Variants in GRK3 observed in about 807,000 individuals in gnomAD.
GRK3 encodes the protein G protein-coupled receptor kinase 3, also known as adrenergic, beta, receptor kinase 2.
GRK3 carries 54 observed loss-of-function variants against 95.7 expected under a neutral mutation model. The ratio of observed to expected loss-of-function variants is 0.56; its 90% CI spans 0.45 to 0.71. The LOEUF (loss-of-function observed/expected upper bound fraction) is 0.71. Among genes scored for constraint, GRK3 ranks in the 30% least tolerant of loss-of-function variants. The pLI is 0.00. For synonymous variants in GRK3, 281 were observed against 290.8 expected (o/e 0.97, Z 0.34); for missense variants, 649 against 851.2 (o/e 0.76, Z 2.96).
intron 14 of GRK3, 123 bp downstream of exon 14, chr22:25,703,699 TAAAAA>T: frequency 1.4e-6 from 1 of 705,644 alleles, no homozygotes; most frequent in Non-Finnish European, 2.2e-6. Context: ...ATAGACATAA[TAAAAA>T]TTTGCTTTCT....
At chr22:25,577,848 A>G (rs1931960028) in intron 1 of GRK3, among the ~76,000 whole-genome samples, 1 of 152,218 alleles carries the variant, frequency 6.6e-6, no homozygotes, top group Non-Finnish European at 1.5e-5. Context: ...TAAGATAGAC[A>G]CCTAGAAATA....
At chr22:25,568,549 T>A (rs1931573927) in intron 1 of GRK3, among the ~76,000 whole-genome samples, 1 of 152,192 alleles carries the variant, frequency 6.6e-6, no homozygotes, top group African/African-American at 2.4e-5. Flanking sequence ...GCACTGACAG[T>A]CCTTAAAGGA....
intron 2 of GRK3, among the ~76,000 whole-genome samples, chr22:25,607,190 A>C (rs1569161709): frequency 6.6e-6 from 1 of 152,004 alleles, no homozygotes; most frequent in Admixed American, 6.6e-5. Context: ...GTGGTTACTG[A>C]ATTAACAAAG....
chr22:25,605,560 A>T (rs2146341326), intron 2 of GRK3, among the ~76,000 whole-genome samples: 1 of 152,314 alleles, frequency 6.6e-6, no homozygotes, highest in East Asian at 1.9e-4. Flanking sequence ...TTTTTAATTT[A>T]TTTTTTGTGG....
chr22:25,678,725 G>A (rs2085051868), intron 8 of GRK3, 91 bp from the exon 9 acceptor site: 2 of 664,962 alleles, frequency 3.0e-6, no homozygotes, highest in Middle Eastern at 4.2e-4. Context: ...TGGCCTAAAT[G>A]TTCAGAAACT....
At chr22:25,647,341 G>A in intron 3 of GRK3, 1 of 1,257,990 alleles carries the variant, frequency 7.9e-7, no homozygotes, top group South Asian at 1.2e-5. Flanking sequence ...TCAGTACAAG[G>A]GTGAGCCATG....
At chr22:25,690,510 G>C (rs141814449) in intron 12 of GRK3, among the ~76,000 whole-genome samples, 1 of 152,190 alleles carries the variant, frequency 6.6e-6, no homozygotes, top group African/African-American at 2.4e-5. Context: ...GACCAGGGTG[G>C]CCTCTCAGAA....
chr22:25,701,390 A>G (rs751985880), intron 13 of GRK3, among the ~76,000 whole-genome samples: 1 of 152,256 alleles, frequency 6.6e-6, no homozygotes, highest in Non-Finnish European at 1.5e-5. Context: ...ACAGATGTGC[A>G]TCAAGATTTC....
chr22:25,682,760 C>T (rs78800524), intron 9 of GRK3, among the ~76,000 whole-genome samples: 2,692 of 152,236 alleles, frequency 0.018, 81 homozygotes, highest in African/African-American at 0.06. Flanking sequence ...AGGGAATACA[C>T]GCATCTCCGG....
chr22:25,565,229 G>A, intron 1 of GRK3, 76 bp downstream of exon 1: 1 of 732,920 alleles, frequency 1.4e-6, no homozygotes, highest in Non-Finnish European at 2.0e-6. Flanking sequence ...GCTTCCTGGA[G>A]GGTCGGGCGC....
At chr22:25,700,247 A>G (rs2085247850) in intron 13 of GRK3, among the ~76,000 whole-genome samples, 1 of 152,220 alleles carries the variant, frequency 6.6e-6, no homozygotes, top group South Asian at 2.1e-4. Context: ...TCTATTTCAG[A>G]TGACTTTGTC....
intron 11 of GRK3, among the ~76,000 whole-genome samples, chr22:25,689,387 T>C (rs2085147413): frequency 6.6e-6 from 1 of 152,238 alleles, no homozygotes; most frequent in South Asian, 2.1e-4. Context: ...GCAGTGGTAT[T>C]ATTTAATTTC....
chr22:25,648,253 T>C (rs2084801236), intron 3 of GRK3: 3 of 803,350 alleles, frequency 3.7e-6, no homozygotes, highest in South Asian at 1.3e-5. Context: ...ATTAGGAAAC[T>C]TGACAATGGT....
intron 2 of GRK3, among the ~76,000 whole-genome samples, chr22:25,616,703 A>G (rs2084541873): frequency 6.6e-6 from 1 of 152,098 alleles, no homozygotes. Context: ...TTGAAGATAG[A>G]GTCAATAGAT....
At chr22:25,652,855 G>A (rs1355273162) in intron 3 of GRK3, among the ~76,000 whole-genome samples, 1 of 152,034 alleles carries the variant, frequency 6.6e-6, no homozygotes, top group Non-Finnish European at 1.5e-5. Context: ...ACTTACCATT[G>A]TGTTACAGTT....
chr22:25,695,309 A>G lies in GRK3; in HGVS notation c.1160+95A>G, dbSNP rs78027738. Reference sequence around the variant, plus strand: ...GTAGAAATGACTAGACGCTAATGTTATTTTAAATCACACAGTGATCTTTAA... The same window carrying G: ...GTAGAAATGACTAGACGCTAATGTTGTTTTAAATCACACAGTGATCTTTAA... On this transcript the variant is annotated intron_variant, in intron 13 of 20. Transcript: ENST00000324198. The G allele has an allele frequency of 4.0e-4, 336 of 831,266 alleles. 1 individual carries two copies. The highest frequency in any genetic ancestry group is 3.4e-3 in the Middle Eastern group (15 of 4,364). 51.5% of individuals were successfully genotyped at this position (831,266 alleles called of 1,614,324 possible). A position where few individuals can be genotyped will look rare whatever the true frequency, so the allele number is the denominator to read the frequency against.
intron 3 of GRK3, among the ~76,000 whole-genome samples, chr22:25,661,233 T>G (rs2146400722): frequency 6.6e-6 from 1 of 152,312 alleles, no homozygotes; most frequent in South Asian, 2.1e-4. Context: ...TTGAAATGAT[T>G]TGTGCTTTGA....
chr22:25,617,826 G>T (rs2146353955), intron 2 of GRK3, among the ~76,000 whole-genome samples: 1 of 152,290 alleles, frequency 6.6e-6, no homozygotes, highest in South Asian at 2.1e-4. Flanking sequence ...GCCCAGGCTG[G>T]AGTGCAATGG....
At position 25,594,457 on chromosome 22, in the gene GRK3, A is replaced by C. The variant is rs1194041655; in HGVS notation, c.114-9920A>C. 2.0e-5 allele frequency among the ~76,000 whole-genome samples: 3 copies of C among 152,174 alleles called. No individual in the cohort carries two copies. The East Asian group carries it at 5.8e-4, about 29-fold the overall frequency. On this transcript the variant is annotated intron_variant, in intron 1 of 20. Coordinates refer to ENST00000324198, the MANE Select transcript of GRK3 (RefSeq NM_005160.4). ...ACACAGAGGCAAAAATCCTCAACAA[A>C]ATACTAGCAAACCAAATCCAGCAGC...
Sources: allele counts gnomAD v4.1 joint callset (sites outside exome capture counted in the v4.1 genomes callset), GRCh38; gene constraint gnomAD v4.1.1; transcripts MANE v1.5; gene names NCBI Gene and HGNC (gene_info 2026-07-23, HGNC 2026-07-21).